CYP4Z1: variants seen among roughly 807,000 people sequenced by gnomAD.
CYP4Z1 encodes cytochrome P450 family 4 subfamily Z member 1.
CYP4Z1 carries 41 observed loss-of-function variants against 54.2 expected under a neutral mutation model. That is an observed-to-expected ratio of 0.76 (90% confidence interval 0.59 to 0.98). The LOEUF (loss-of-function observed/expected upper bound fraction) is 0.98. CYP4Z1 is among the 50% of genes least tolerant of loss of function. The pLI is 0.00. For missense variants in CYP4Z1, 513 were observed against 599.0 expected (o/e 0.86, Z 1.50); for synonymous variants, 163 against 206.2 (o/e 0.79, Z 1.79).
intron 3 of CYP4Z1, among the ~76,000 whole-genome samples, chr1:47,082,127 T>C (rs865893694): frequency 1.2e-4 from 18 of 151,920 alleles, no homozygotes; most frequent in African/African-American, 4.3e-4. Flanking sequence ...GGATGGACCT[T>C]TTTTTGAGTT....
intron 1 of CYP4Z1, among the ~76,000 whole-genome samples, chr1:47,068,400 C>T (rs1049710583): frequency 2.0e-5 from 3 of 152,140 alleles, no homozygotes; most frequent in African/African-American, 7.2e-5. Flanking sequence ...AGTGAGAAGA[C>T]CAATCGCTCA....
At chr1:47,086,983 T>C (rs1471842739) in intron 6 of CYP4Z1, among the ~76,000 whole-genome samples, 1 of 152,240 alleles carries the variant, frequency 6.6e-6, no homozygotes, top group Non-Finnish European at 1.5e-5. Context: ...TTGTCAGGTT[T>C]GTCAAATATC....
In CYP4Z1 at chr1:47,067,537, T is replaced by C; in HGVS notation, c.47T>C (p.Leu16Pro). Residue 16 changes from leucine to proline, a missense_variant, in exon 1 of 12, where the codon CTG becomes CCG. Physicochemically the swap from Leu to Pro is moderately conservative, Grantham distance 98 (BLOSUM62 -3). Transcript: ENST00000334194. ...GAACTCATGGCTCACCCCTTCTTGCTGCTGATCCTCCTCTGCATGTCTCTG... is the reference window on the plus strand; with the variant it reads ...GAACTCATGGCTCACCCCTTCTTGCCGCTGATCCTCCTCTGCATGTCTCTG... ...LQELMAHPFL[L>P]LILLCMSLLL... 1 of 1,613,398 alleles carries C rather than the reference T, an allele frequency of 6.2e-7. No homozygotes were observed. The highest frequency in any genetic ancestry group is 8.5e-7 in the Non-Finnish European group (1 of 1,179,600).
chr1:47,088,922 A>G, intron 6 of CYP4Z1, among the ~76,000 whole-genome samples: 1 of 147,892 alleles, frequency 6.8e-6, no homozygotes, highest in Non-Finnish European at 1.5e-5. Context: ...GTGCTCAGCC[A>G]AGGTTTATTT....
intron 9 of CYP4Z1, among the ~76,000 whole-genome samples, chr1:47,108,052 T>A (rs558652242): frequency 6.6e-6 from 1 of 152,310 alleles, no homozygotes; most frequent in African/African-American, 2.4e-5. Context: ...TTAATCTCCC[T>A]CAAGCTACAA....
chr1:47,105,379 T>TAATG (rs1644749385), intron 8 of CYP4Z1, among the ~76,000 whole-genome samples: 1 of 152,008 alleles, frequency 6.6e-6, no homozygotes, highest in African/African-American at 2.4e-5. Context: ...CTCTCTGGAG[T>TAATG]AATGTCTTCA....
At chr1:47,063,393 T>C (rs527454885), upstream of CYP4Z1, among the ~76,000 whole-genome samples, 5 of 151,250 alleles carry the variant, frequency 3.3e-5, no homozygotes, top group South Asian at 1.1e-3. Context: ...TAAGACAAAA[T>C]CTCTGAATTG....
At chr1:47,061,625 C>T in the CYP4Z1 span, among the ~76,000 whole-genome samples, 1 of 152,126 alleles carries the variant, frequency 6.6e-6, no homozygotes, top group Non-Finnish European at 1.5e-5. Context: ...TGGTAGCATT[C>T]CTACTGAAAC....
At chr1:47,094,399 T>A (rs1449601267) in intron 6 of CYP4Z1, among the ~76,000 whole-genome samples, 167 bp from the exon 7 acceptor site, 1 of 152,116 alleles carries the variant, frequency 6.6e-6, no homozygotes, top group African/African-American at 2.4e-5. Flanking sequence ...ATGGGACGAT[T>A]TTTTTAAAAA....
In CYP4Z1 at chr1:47,091,394, A is replaced by C. The variant is rs980995921; in HGVS notation, c.773-3172A>C. Among the ~76,000 whole-genome samples, 8 of 143,940 alleles carry C rather than the reference A, an allele frequency of 5.6e-5. 1 individual carries two copies. Among genetic ancestry groups the C allele is most frequent in the Non-Finnish European group, 7.4e-5 (5 of 67,248 alleles). 94.4% of individuals were successfully genotyped at this position (143,940 alleles called of 152,430 possible). Reference sequence around the variant, plus strand: ...CATCCCTCCTATTGCTCATGGAAGAAAAACTGAGGATAATAACCTGCTAAT... The same window carrying C: ...CATCCCTCCTATTGCTCATGGAAGACAAACTGAGGATAATAACCTGCTAAT... On this transcript the variant is annotated intron_variant, in intron 6 of 11. Transcript: ENST00000334194.
rs1406229818 is a variant in CYP4Z1, at chr1:47,116,090, C to A, written c.1266+497C>A. On this transcript the variant is annotated intron_variant, in intron 10 of 11. Coordinates refer to ENST00000334194, the MANE Select transcript of CYP4Z1 (RefSeq NM_178134.3). The stretch of plus-strand genomic sequence containing the variant: ...GAGAGGGGGCCTGGGAGAGAACAAG[C>A]ACACTCCTGGGCTGCAAACCAGCGC... 2.0e-5 allele frequency among the ~76,000 whole-genome samples: 3 copies of A among 152,200 alleles called. No individual in the cohort carries two copies. The East Asian group carries it at 5.8e-4, about 29-fold the overall frequency.
At chr1:47,068,902 C>T (rs773879062) in intron 2 of CYP4Z1, 139 bp downstream of exon 2, 16 of 1,134,194 alleles carry the variant, frequency 1.4e-5, no homozygotes, top group Non-Finnish European at 1.6e-5. Context: ...ATTCCATGTC[C>T]TCCTCAACAT....
upstream of CYP4Z1, among the ~76,000 whole-genome samples, chr1:47,063,755 A>G (rs1239288939): frequency 2.0e-5 from 3 of 152,142 alleles, no homozygotes; most frequent in African/African-American, 7.2e-5. Context: ...TTATATGTCC[A>G]AAACTAAGAA....
intron 9 of CYP4Z1, among the ~76,000 whole-genome samples, chr1:47,106,975 C>T (rs547303922): frequency 1.0e-3 from 159 of 152,264 alleles, no homozygotes; most frequent in African/African-American, 3.2e-3. Context: ...CCAATTTAAC[C>T]GTCTTTCAAA....
rs1460830842 is a variant in CYP4Z1 at position 47,082,536 on chromosome 1, G to A, written c.492+75G>A. On this transcript the variant is annotated intron_variant, in intron 4 of 11. Transcript: ENST00000334194. ...CCAGCCATATGGTGTGGGAGACTCT[G>A]AGTTCCCTCAGAACCATGTTCACAG... 5.2e-6 allele frequency: 8 copies of A among 1,548,624 alleles called. No homozygotes were observed. The Admixed American group carries it at 1.6e-4, about 31-fold the overall frequency.
intron 7 of CYP4Z1, among the ~76,000 whole-genome samples, chr1:47,098,331 C>T (rs1027462645): frequency 1.3e-5 from 2 of 152,182 alleles, no homozygotes; most frequent in African/African-American, 4.8e-5. Flanking sequence ...AAAGGTCCTT[C>T]ACTTCCCCTG....
intron 8 of CYP4Z1, among the ~76,000 whole-genome samples, chr1:47,103,346 AT>A (rs34153404): frequency 0.18 from 25,761 of 146,932 alleles, 2,869 homozygotes; most frequent in African/African-American, 0.32. Context: ...TGCCTGGCTA[AT>A]TTTTTTTTTT....
the CYP4Z1 span, among the ~76,000 whole-genome samples, chr1:47,055,673 T>C: frequency 1.9e-4 from 29 of 152,350 alleles, no homozygotes; most frequent in East Asian, 1.3e-3. Context: ...GAGGAATTTA[T>C]CCATTTCTTC....
At chr1:47,117,663 T>A (rs1456966104) in intron 11 of CYP4Z1, 103 bp from the exon 12 acceptor site, 29 of 1,279,002 alleles carry the variant, frequency 2.3e-5, no homozygotes, top group Non-Finnish European at 2.7e-5. Flanking sequence ...AAAAAATGGA[T>A]CTTGTTTCCC....
Sources: allele counts gnomAD v4.1 joint callset (sites outside exome capture counted in the v4.1 genomes callset), GRCh38; gene constraint gnomAD v4.1.1; transcripts MANE v1.5; gene names NCBI Gene and HGNC (gene_info 2026-07-23, HGNC 2026-07-21).